The following SHANK2 variants were observed in gnomAD, a reference collection of about 807,000 sequenced individuals.
The protein encoded by SHANK2 is SH3 and multiple ankyrin repeat domains 2, also known as SH3 and multiple ankyrin repeat domains protein 2.
SHANK2 carries 43 observed loss-of-function variants against 133.7 expected under a neutral mutation model. The ratio of observed to expected loss-of-function variants is 0.32; its 90% CI spans 0.25 to 0.41. The LOEUF is 0.41. SHANK2 is among the 10% of genes least tolerant of loss of function. The pLI is 1.00. For missense variants in SHANK2, 1,994 were observed against 2,235.8 expected (o/e 0.89, Z 2.18); for synonymous variants, 1,017 against 952.8 (o/e 1.07, Z -1.24).
rs181017692 is a variant in SHANK2 at position 71,223,758 on chromosome 11, G to A, written c.-13+939C>T. On this transcript the variant is annotated intron_variant, in intron 2 of 25. Transcript: ENST00000601538. ...GCAGCTTCTTGGGCAGGCCCGTGCA[G>A]CTGAGAGGCCCTTCCCTGCACGGGG... 1.6e-3 allele frequency among the ~76,000 whole-genome samples: 242 copies of A among 152,314 alleles called. 1 individual carries two copies. Among genetic ancestry groups the A allele is most frequent in the African/African-American group, 5.7e-3 (236 of 41,576 alleles).
chr11:70,631,721 G>A (rs2060993926), intron 17 of SHANK2: 1 of 152,332 alleles, frequency 6.6e-6, no homozygotes, highest in African/African-American at 2.4e-5. Flanking sequence ...AAGCCTGTAG[G>A]ATGAAGCCTG....
chr11:71,094,447 C>T (rs1590904961), intron 7 of SHANK2, 90 bp downstream of exon 7: 3 of 1,327,420 alleles, frequency 2.3e-6, no homozygotes, highest in Admixed American at 2.1e-5. Context: ...TGCACGGACC[C>T]CCTAGGATGG....
intron 11 of SHANK2, among the ~76,000 whole-genome samples, chr11:70,884,730 C>G (rs10793378): frequency 0.69 from 105,217 of 152,192 alleles, 42,336 homozygotes; most frequent in Non-Finnish European, 0.88. Flanking sequence ...TCTTTTCTTT[C>G]TTTTTTTGAG....
chr11:70,562,767 A>G (rs2059921618), intron 17 of SHANK2, among the ~76,000 whole-genome samples: 1 of 152,150 alleles, frequency 6.6e-6, no homozygotes, highest in African/African-American at 2.4e-5. Flanking sequence ...TATTGATAGG[A>G]AGTTTAACTC....
At chr11:70,698,941 T>C (rs1945460350) in intron 14 of SHANK2, among the ~76,000 whole-genome samples, 178 bp from the exon 15 acceptor site, 1 of 152,034 alleles carries the variant, frequency 6.6e-6, no homozygotes, top group Non-Finnish European at 1.5e-5. Context: ...TTTGTGAAAT[T>C]TGGGGAATGC....
At chr11:71,096,792 G>T (rs1456819806) in intron 6 of SHANK2, among the ~76,000 whole-genome samples, 2 of 152,176 alleles carry the variant, frequency 1.3e-5, no homozygotes, top group South Asian at 2.1e-4. Context: ...TTTTTTAAAA[G>T]ATATTTTAAA....
chr11:70,843,461 G>A (rs1447990959), intron 11 of SHANK2, among the ~76,000 whole-genome samples: 4 of 152,022 alleles, frequency 2.6e-5, no homozygotes, highest in Admixed American at 2.6e-4. Flanking sequence ...GACTCCTAGT[G>A]GGACTGCATG....
At chr11:71,158,291 C>T (rs1382054360) in intron 2 of SHANK2, among the ~76,000 whole-genome samples, 2 of 151,766 alleles carry the variant, frequency 1.3e-5, no homozygotes, top group African/African-American at 4.8e-5. Context: ...TAAGAATATA[C>T]AAAAGTTAAG....
chr11:70,601,283 G>A (rs1387044378), intron 17 of SHANK2, among the ~76,000 whole-genome samples: 2 of 150,784 alleles, frequency 1.3e-5, no homozygotes, highest in Non-Finnish European at 3.0e-5. Flanking sequence ...GTACTGGCAC[G>A]ATCTCGGCTC....
At chr11:71,116,190 G>A (rs1336390275) in intron 4 of SHANK2, among the ~76,000 whole-genome samples, 2 of 152,210 alleles carry the variant, frequency 1.3e-5, no homozygotes, top group Non-Finnish European at 2.9e-5. Flanking sequence ...GGGCTTCAGA[G>A]GAATCCCTAG....
chr11:70,767,757 T>A lies in SHANK2; in HGVS notation c.1777+30686A>T, dbSNP rs192448344. Among the ~76,000 whole-genome samples, 20 of 151,764 alleles carry A rather than the reference T, an allele frequency of 1.3e-4. No individual in the cohort carries two copies. The East Asian group carries it at 3.7e-3, about 28-fold the overall frequency. ...GTTTCTTTTTGGGGTGATGGAAATG[T>A]CCTCAAATTAAAAAGTGACAATTCA... On this transcript the variant is annotated intron_variant, in intron 14 of 25. Transcript: ENST00000601538.
At chr11:70,934,598 A>G (rs1385535143) in intron 10 of SHANK2, among the ~76,000 whole-genome samples, 1 of 152,260 alleles carries the variant, frequency 6.6e-6, no homozygotes, top group Non-Finnish European at 1.5e-5. Context: ...CATTCTTTGC[A>G]ATTGTCAGAC....
intron 15 of SHANK2, among the ~76,000 whole-genome samples, chr11:70,683,979 TC>T (rs1945088580): frequency 6.6e-6 from 1 of 152,126 alleles, no homozygotes; most frequent in South Asian, 2.1e-4. Context: ...AGACAGGATT[TC>T]ACCATGTTGG....
intron 17 of SHANK2, among the ~76,000 whole-genome samples, chr11:70,621,110 G>A (rs1370777366): frequency 5.3e-5 from 8 of 152,162 alleles, no homozygotes; most frequent in African/African-American, 1.7e-4. Context: ...CAAGGCACCG[G>A]GATCGGGCAG....
Position 71,123,070 on chromosome 11 carries a change from C to T in SHANK2, c.208-4038G>A, listed in dbSNP as rs191496093. Among the ~76,000 whole-genome samples the T allele has an allele frequency of 6.6e-5, 10 of 152,284 alleles. No homozygotes were observed. In the East Asian group the frequency reaches 9.7e-4, roughly 15 times the overall value. On this transcript the variant is annotated intron_variant, in intron 3 of 25. Transcript: ENST00000601538. ...CCCAGGGAGCTCCCCTCCCTCCATACGTGATGGGAGCCACCCACGTGTTCA... is the reference window on the plus strand; with the variant it reads ...CCCAGGGAGCTCCCCTCCCTCCATATGTGATGGGAGCCACCCACGTGTTCA...
intron 17 of SHANK2, among the ~76,000 whole-genome samples, chr11:70,523,283 A>G (rs1194519209): frequency 6.6e-6 from 1 of 152,228 alleles, no homozygotes; most frequent in African/African-American, 2.4e-5. Flanking sequence ...CAGCCCTCAC[A>G]GCAGCAGGTG....
At chr11:70,791,936 C>G (rs1420663910) in intron 14 of SHANK2, among the ~76,000 whole-genome samples, 1 of 152,210 alleles carries the variant, frequency 6.6e-6, no homozygotes, top group Non-Finnish European at 1.5e-5. Flanking sequence ...CCACTGGAGA[C>G]TGTGAAGTCC....
intron 14 of SHANK2, among the ~76,000 whole-genome samples, chr11:70,795,053 G>A (rs781956873): frequency 6.6e-6 from 1 of 152,114 alleles, no homozygotes; most frequent in Non-Finnish European, 1.5e-5. Flanking sequence ...AACCCAGCAG[G>A]AACCACTGTG....
chr11:70,885,379 C>A (rs1555073242), intron 11 of SHANK2, among the ~76,000 whole-genome samples: 1 of 152,268 alleles, frequency 6.6e-6, no homozygotes, highest in South Asian at 2.1e-4. Context: ...ACCCAGAAGA[C>A]GGAAGGAGTC....
Sources: allele counts gnomAD v4.1 joint callset (sites outside exome capture counted in the v4.1 genomes callset), GRCh38; gene constraint gnomAD v4.1.1; transcripts MANE v1.5; gene names NCBI Gene and HGNC (gene_info 2026-07-23, HGNC 2026-07-21).